Variants in STAG1 observed in about 807,000 individuals in gnomAD.
STAG1 encodes STAG1 cohesin complex component.
STAG1 carries 26 observed loss-of-function variants against 170.9 expected under a neutral mutation model. The ratio of observed to expected loss-of-function variants is 0.15; its 90% confidence interval spans 0.11 to 0.21. The LOEUF is 0.21. Ranked by LOEUF, STAG1 falls within the 10% of genes least tolerant of loss-of-function variation. The probability of loss-of-function intolerance (pLI) is 1.00; values close to 1 mark genes in which losing one functional copy is unlikely to be tolerated. For synonymous variants in STAG1, 514 were observed against 497.7 expected (o/e 1.03, Z -0.44); for missense variants, 964 against 1,509.5 (o/e 0.64, Z 5.99).
At chr3:136,373,046 G>C (rs1226396282) in intron 23 of STAG1, among the ~76,000 whole-genome samples, 1 of 152,212 alleles carries the variant, frequency 6.6e-6, no homozygotes, top group Non-Finnish European at 1.5e-5. Flanking sequence ...GGTCTATTCA[G>C]AGATTCAACT....
chr3:136,446,236 G>A (rs111625185), intron 14 of STAG1, among the ~76,000 whole-genome samples: 197 of 152,016 alleles, frequency 1.3e-3, no homozygotes, highest in African/African-American at 4.3e-3. Context: ...TTAGCGCTCA[G>A]GTTTTTGTTT....
chr3:136,477,909 C>G (rs1342499046), intron 9 of STAG1, among the ~76,000 whole-genome samples: 1 of 152,098 alleles, frequency 6.6e-6, no homozygotes, highest in African/African-American at 2.4e-5. Context: ...CCTGCCTCAG[C>G]CACCCAAGTA....
chr3:136,678,562 G>A (rs952441677), intron 1 of STAG1, among the ~76,000 whole-genome samples: 2 of 150,730 alleles, frequency 1.3e-5, no homozygotes, highest in African/African-American at 2.4e-5. Flanking sequence ...AAAACAGTAT[G>A]AGAAACATTC....
intron 3 of STAG1, among the ~76,000 whole-genome samples, chr3:136,605,084 G>A (rs1938870352): frequency 6.6e-6 from 1 of 152,136 alleles, no homozygotes; most frequent in Non-Finnish European, 1.5e-5. Flanking sequence ...ATCTTGTACA[G>A]AAAACATTTC....
At chr3:136,415,170 A>G (rs193190669) in intron 21 of STAG1, among the ~76,000 whole-genome samples, 2 of 152,350 alleles carry the variant, frequency 1.3e-5, no homozygotes, top group Admixed American at 6.5e-5. Flanking sequence ...TGGCACTGAT[A>G]GCCTTGCTTG....
At chr3:136,624,989 A>G (rs1318509853) in intron 2 of STAG1, among the ~76,000 whole-genome samples, 1 of 152,200 alleles carries the variant, frequency 6.6e-6, no homozygotes. Context: ...AGCTTATATA[A>G]GTTAACTTTT....
chr3:136,464,328 T>C (rs752547370), intron 13 of STAG1, among the ~76,000 whole-genome samples: 5 of 151,688 alleles, frequency 3.3e-5, no homozygotes, highest in Non-Finnish European at 5.9e-5. Flanking sequence ...GAAGCTGAGG[T>C]AGGATAATCG....
chr3:136,553,063 T>C (rs1189956856), intron 5 of STAG1, among the ~76,000 whole-genome samples: 2 of 151,996 alleles, frequency 1.3e-5, no homozygotes, highest in African/African-American at 2.4e-5. Flanking sequence ...AGATAGAGAT[T>C]AGAAAAGAAA....
intron 1 of STAG1, among the ~76,000 whole-genome samples, chr3:136,701,207 T>C (rs1390232212): frequency 6.6e-6 from 1 of 152,204 alleles, no homozygotes; most frequent in African/African-American, 2.4e-5. Context: ...TAAGTTGACA[T>C]GACAATCCCT....
At chr3:136,503,009 G>A (rs968146044) in intron 7 of STAG1, among the ~76,000 whole-genome samples, 1 of 152,054 alleles carries the variant, frequency 6.6e-6, no homozygotes, top group African/African-American at 2.4e-5. Context: ...TTTAAACACA[G>A]CCTCATCCTA....
At chr3:136,706,999 C>T (rs556936664) in intron 1 of STAG1, among the ~76,000 whole-genome samples, 51 of 151,878 alleles carry the variant, frequency 3.4e-4, no homozygotes, top group African/African-American at 1.2e-3. Flanking sequence ...GTGATACCCA[C>T]AAGCAAAAGA....
At chr3:136,707,621 T>C (rs1943263463) in intron 1 of STAG1, among the ~76,000 whole-genome samples, 1 of 152,212 alleles carries the variant, frequency 6.6e-6, no homozygotes, top group Admixed American at 6.5e-5. Flanking sequence ...TTCAAGGGCA[T>C]GGCCCTAGCT....
intron 16 of STAG1, among the ~76,000 whole-genome samples, chr3:136,424,535 A>G (rs1345075922): frequency 6.6e-6 from 1 of 151,950 alleles, no homozygotes; most frequent in Non-Finnish European, 1.5e-5. Flanking sequence ...GGTTTTCACC[A>G]TATTGGCCAG....
intron 5 of STAG1, among the ~76,000 whole-genome samples, chr3:136,563,864 CA>C (rs920112556): frequency 6.6e-6 from 1 of 151,910 alleles, no homozygotes. Context: ...ACTAAAAATA[CA>C]AAAAAACTTT....
At chr3:136,530,060 A>T (rs973663018) in intron 6 of STAG1, among the ~76,000 whole-genome samples, 3 of 152,332 alleles carry the variant, frequency 2.0e-5, no homozygotes, top group Middle Eastern at 3.4e-3. Flanking sequence ...CCACACAAAT[A>T]GAAATGAAAA....
At chr3:136,456,596 G>T (rs946931966) in intron 13 of STAG1, among the ~76,000 whole-genome samples, 7 of 152,162 alleles carry the variant, frequency 4.6e-5, no homozygotes, top group African/African-American at 1.7e-4. Flanking sequence ...CATATTAAAA[G>T]AGTAAGGCTG....
intron 5 of STAG1, among the ~76,000 whole-genome samples, chr3:136,566,944 T>C (rs1937098145): frequency 6.6e-6 from 1 of 152,214 alleles, no homozygotes; most frequent in South Asian, 2.1e-4. Flanking sequence ...CTCTATACAC[T>C]ATTATCTTTT....
At chr3:136,679,562 A>G (rs538823174) in intron 1 of STAG1, among the ~76,000 whole-genome samples, 55 of 152,160 alleles carry the variant, frequency 3.6e-4, no homozygotes, top group African/African-American at 1.1e-3. Context: ...CCCCGTCTGT[A>G]CTAAAAAGAC....
intron 9 of STAG1, among the ~76,000 whole-genome samples, chr3:136,498,282 C>A (rs7429186): frequency 9.9e-6 from 1 of 100,792 alleles, no homozygotes; most frequent in Non-Finnish European, 1.9e-5. Flanking sequence ...ACCACACACA[C>A]ATACACACAC....
Sources: gnomAD v4.1 joint callset for allele counts (sites outside exome capture counted in the v4.1 genomes callset) on GRCh38, gnomAD v4.1.1 for gene constraint, MANE v1.5 for transcripts, NCBI Gene and HGNC (gene_info 2026-07-23, HGNC 2026-07-21) for gene names.